The following SCN9A variants were observed in gnomAD, a reference collection of about 807,000 sequenced individuals.
The protein encoded by SCN9A is sodium channel protein type 9 subunit alpha.
Under a neutral mutation model 187.0 loss-of-function variants are expected in SCN9A, and 131 were observed. That is an observed-to-expected ratio of 0.70 (90% CI 0.61 to 0.81). The LOEUF is 0.81. Among genes scored for constraint, SCN9A ranks in the 30% least tolerant of loss-of-function variants. The pLI, the probability that SCN9A is intolerant of heterozygous loss-of-function variation, is 0.00. For missense variants in SCN9A, 2,252 were observed against 2,396.6 expected (o/e 0.94, Z 1.26); for synonymous variants, 809 against 808.6 (o/e 1.00, Z -0.01).
At chr2:166,235,292 G>C (rs946598227) in intron 20 of SCN9A, among the ~76,000 whole-genome samples, 1 of 152,134 alleles carries the variant, frequency 6.6e-6, no homozygotes, top group Admixed American at 6.5e-5. Flanking sequence ...CTATGGTATA[G>C]TTTGTAACTG....
At chr2:166,211,987 A>G (rs1694117111) in intron 24 of SCN9A, among the ~76,000 whole-genome samples, 1 of 152,354 alleles carries the variant, frequency 6.6e-6, no homozygotes, top group Admixed American at 6.5e-5. Flanking sequence ...GGCTGCATAG[A>G]TTTATGAAAA....
Position 166,294,171 on chromosome 2 carries a change from C to G in SCN9A, c.965+428G>C, listed in dbSNP as rs141743184. 9.2e-5 allele frequency among the ~76,000 whole-genome samples: 14 copies of G among 152,264 alleles called. No homozygotes were observed. In the East Asian group the frequency reaches 2.7e-3, roughly 29 times the overall value. ...ATGTGTACCCAAGTCCAAGGAATCC[C>G]TTTGCTTAGAGTGGCCAAAACATGA... On this transcript the variant is annotated intron_variant, in intron 8 of 26. Coordinates refer to ENST00000642356, the MANE Select transcript of SCN9A (RefSeq NM_001365536.1).
Position 166,204,417 on chromosome 2 carries a change from A to G in SCN9A, c.4446T>C (p.Tyr1482=), listed in dbSNP as rs765209877. Residue 1482 remains tyrosine (Y), a synonymous_variant, in exon 25 of 27, where the codon TAT becomes TAC. Coordinates refer to ENST00000642356, the MANE Select transcript of SCN9A (RefSeq NM_001365536.1). Reference sequence around the variant, plus strand: ...TGGACCCCAGCTTTTTCATTGCATTATAGTATTTCTTCTGTTCTTCTGTCA... The same window carrying G: ...TGGACCCCAGCTTTTTCATTGCATTGTAGTATTTCTTCTGTTCTTCTGTCA... The part of the protein sequence containing the change: ...IFMTEEQKKY[Y]NAMKKLGSKK... 32 of 1,608,034 alleles carry G rather than the reference A, an allele frequency of 2.0e-5. No individual in the cohort carries two copies. The highest frequency in any genetic ancestry group is 2.7e-5 in the Non-Finnish European group (32 of 1,177,642).
chr2:166,225,259 C>T (rs994728990), intron 24 of SCN9A, among the ~76,000 whole-genome samples: 3 of 152,112 alleles, frequency 2.0e-5, no homozygotes, highest in African/African-American at 4.8e-5. Context: ...TTTGCCTCTC[C>T]GTTGCTACAT....
chr2:166,288,436 C>G lies in SCN9A; in HGVS notation c.1314+1G>C. Reference sequence around the variant, plus strand: ...AAGAATTTTAAATCAAATAACAGTACCTCAGCTTCTTCTTGCTCTTTTTTA... The same window carrying G: ...AAGAATTTTAAATCAAATAACAGTAGCTCAGCTTCTTCTTGCTCTTTTTTA... On this transcript the variant is annotated splice_donor_variant, in intron 10 of 26. Transcript: ENST00000642356. LOFTEE classifies it high-confidence loss of function. 1 of 1,604,714 alleles carries G rather than the reference C, an allele frequency of 6.2e-7. No individual in the cohort carries two copies. The highest frequency in any genetic ancestry group is 8.5e-7 in the Non-Finnish European group (1 of 1,173,420).
intron 17 of SCN9A, among the ~76,000 whole-genome samples, chr2:166,267,946 G>T (rs12469877): frequency 0.028 from 4,186 of 152,028 alleles, 450 homozygotes; most frequent in Admixed American, 0.2. Context: ...CAAAGGATAT[G>T]ATCCAGAACA....
In SCN9A at chr2:166,204,194, A is replaced by C. The variant is rs1273455956; in HGVS notation, c.4535T>G (p.Val1512Gly). Residue 1512 changes from valine to glycine, a missense_variant, in exon 26 of 27, where the codon GTG (valine) becomes GGG (glycine). Around this residue, in one of 7 missense-constraint regions of SCN9A, gnomAD observed 368 missense variants for 408.6 expected, o/e 0.90. Coordinates refer to ENST00000642356, the MANE Select transcript of SCN9A (RefSeq NM_001365536.1). ...NKIQGCIFDL[V>G]TNQAFDISIM... ...ACTAATATCAAAGGCTTGATTTGTC[A>C]CTAGGTCAAATATACATCCTTGGAT... is the stretch of plus-strand genomic sequence containing the variant. 7 of 1,612,130 alleles carry C rather than the reference A, an allele frequency of 4.3e-6. No homozygotes were observed. Among genetic ancestry groups the C allele is most frequent in the Non-Finnish European group, 5.1e-6 (6 of 1,178,808 alleles).
chr2:166,353,107 C>A (rs1052224774), intron 1 of SCN9A, among the ~76,000 whole-genome samples: 14 of 150,810 alleles, frequency 9.3e-5, no homozygotes, highest in African/African-American at 3.4e-4. Flanking sequence ...GTAATCCCAG[C>A]ACTTTGGGAG....
intron 17 of SCN9A, among the ~76,000 whole-genome samples, chr2:166,270,910 C>A (rs1696951897): frequency 1.3e-5 from 2 of 151,794 alleles, no homozygotes; most frequent in Non-Finnish European, 2.9e-5. Context: ...CTAACATGAG[C>A]TAGAGAAAAC....
intron 1 of SCN9A, among the ~76,000 whole-genome samples, chr2:166,313,768 C>G (rs1431065298): frequency 1.3e-5 from 2 of 152,198 alleles, no homozygotes; most frequent in Non-Finnish European, 2.9e-5. Flanking sequence ...TGGCTAAGTA[C>G]TTAGTGCAAG....
intron 2 of SCN9A, among the ~76,000 whole-genome samples, chr2:166,309,566 G>C (rs1212989941): frequency 6.6e-6 from 1 of 152,030 alleles, no homozygotes; most frequent in Non-Finnish European, 1.5e-5. Context: ...CCTCTTCGAG[G>C]AGAACTACAA....
Position 166,266,339 on chromosome 2 carries a change from G to A in SCN9A, c.3351+6060C>T, listed in dbSNP as rs73021681. The stretch of plus-strand genomic sequence containing the variant: ...AGAGGCTGTCCTTTCTCTATTATAG[G>A]TACTTGGAACCTTGTCAAAACTCAG... On this transcript the variant is annotated intron_variant, in intron 17 of 26. Coordinates refer to ENST00000642356, the MANE Select transcript of SCN9A (RefSeq NM_001365536.1). Among the ~76,000 whole-genome samples the A allele has an allele frequency of 5.6e-3, 846 of 151,796 alleles. 8 individuals carry two copies. Among genetic ancestry groups the A allele is most frequent in the African/African-American group, 0.019 (809 of 41,496 alleles).
chr2:166,228,206 C>A (rs1694921344), intron 22 of SCN9A, among the ~76,000 whole-genome samples: 1 of 140,542 alleles, frequency 7.1e-6, no homozygotes, highest in African/African-American at 2.7e-5. Context: ...AGAACCCATG[C>A]TTCTTATTCA....
At chr2:166,352,046 A>G (rs977832581) in intron 1 of SCN9A, among the ~76,000 whole-genome samples, 3 of 152,202 alleles carry the variant, frequency 2.0e-5, no homozygotes, top group Non-Finnish European at 4.4e-5. Flanking sequence ...CTTAAGAAAC[A>G]CGTACAATGT....
rs74703759 is a variant in SCN9A at position 166,217,426 on chromosome 2, A to G, written c.4398+9141T>C. On this transcript the variant is annotated intron_variant, in intron 24 of 26. Coordinates refer to ENST00000642356, the MANE Select transcript of SCN9A (RefSeq NM_001365536.1). ...CAATAACAGAGTGGAGAGAGAGATCATGGATTGAAATAAAATATCTGCAAA... is the reference window on the plus strand; with the variant it reads ...CAATAACAGAGTGGAGAGAGAGATCGTGGATTGAAATAAAATATCTGCAAA... Among the ~76,000 whole-genome samples, 129 of 152,192 alleles carry G rather than the reference A, an allele frequency of 8.5e-4. 2 individuals carry two copies. In the East Asian group the frequency reaches 0.023, roughly 27 times the overall value.
chr2:166,304,382 AC>A, intron 5 of SCN9A, 53 bp from the exon 6 acceptor site: 2 of 1,477,868 alleles, frequency 1.4e-6, no homozygotes, highest in Admixed American at 1.7e-5. Context: ...TATGATACTT[AC>A]CTGAGCCTTT....
chr2:166,202,739 A>G (rs1258031465), intron 26 of SCN9A, among the ~76,000 whole-genome samples: 1 of 151,712 alleles, frequency 6.6e-6, no homozygotes, highest in Non-Finnish European at 1.5e-5. Context: ...TTTTATTGCA[A>G]TTGTGAATCA....
At chr2:166,321,240 C>A (rs145193907) in intron 1 of SCN9A, among the ~76,000 whole-genome samples, 2,148 of 152,214 alleles carry the variant, frequency 0.014, 52 homozygotes, top group African/African-American at 0.049. Context: ...ATTCAATAGA[C>A]CAGGCACAGT....
intron 10 of SCN9A, among the ~76,000 whole-genome samples, chr2:166,288,120 T>TATATATACACACAC (rs56738765): frequency 0.057 from 7,693 of 134,524 alleles, 248 homozygotes; most frequent in Non-Finnish European, 0.067. Context: ...TATATATATA[T>TATATATACACACAC]ACACACACAT....
Sources: allele counts gnomAD v4.1 joint callset (sites outside exome capture counted in the v4.1 genomes callset), GRCh38; gene constraint gnomAD v4.1.1; regional missense constraint gnomAD v4.1.1; transcripts MANE v1.5; gene names NCBI Gene and HGNC (gene_info 2026-07-23, HGNC 2026-07-21).